ADAMTSL1: variants seen among roughly 807,000 people sequenced by gnomAD.
ADAMTSL1 encodes ADAMTS-like protein 1.
A neutral mutation model predicts 201.8 loss-of-function variants in ADAMTSL1; 126 were observed. That is an observed-to-expected ratio of 0.62 (90% CI 0.54 to 0.72). ADAMTSL1 has a LOEUF of 0.72. Among genes scored for constraint, ADAMTSL1 ranks in the 30% least tolerant of loss-of-function variants. ADAMTSL1 has a pLI of 0.00. For synonymous variants in ADAMTSL1, 1,121 were observed against 903.4 expected (o/e 1.24, Z -4.32); for missense variants, 2,679 against 2,277.8 (o/e 1.18, Z -3.59).
chr9:18,083,164 T>C (rs886221005), intron 1 of ADAMTSL1, among the ~76,000 whole-genome samples: 2 of 152,180 alleles, frequency 1.3e-5, no homozygotes, highest in Non-Finnish European at 2.9e-5. Flanking sequence ...GCCTTTAAGT[T>C]TGGCTACTAT....
intron 2 of ADAMTSL1, among the ~76,000 whole-genome samples, chr9:18,268,314 G>A (rs1045855738): frequency 3.3e-5 from 5 of 152,082 alleles, no homozygotes; most frequent in African/African-American, 1.2e-4. Flanking sequence ...GGGCATATTG[G>A]TTCCCAAACC....
At chr9:18,494,347 C>CA (rs141208426) in intron 1 of ADAMTSL1, among the ~76,000 whole-genome samples, 1,624 of 80,192 alleles carry the variant, frequency 0.02, 9 homozygotes, top group African/African-American at 0.035. Context: ...CAGACTGTCT[C>CA]AAAAAAAAAA....
intron 1 of ADAMTSL1, among the ~76,000 whole-genome samples, chr9:18,128,798 A>T (rs1825839219): frequency 6.6e-6 from 1 of 152,146 alleles, no homozygotes; most frequent in Non-Finnish European, 1.5e-5. Context: ...GAAAGTAGGT[A>T]TTTAGGCTAA....
chr9:18,248,688 G>A (rs528141713), intron 2 of ADAMTSL1, among the ~76,000 whole-genome samples: 11 of 152,264 alleles, frequency 7.2e-5, no homozygotes, highest in African/African-American at 2.6e-4. Flanking sequence ...CCTGGACTGC[G>A]GCAAACGCAT....
chr9:18,207,936 TG>T (rs771491392), intron 2 of ADAMTSL1, among the ~76,000 whole-genome samples: 1 of 152,130 alleles, frequency 6.6e-6, no homozygotes, highest in Non-Finnish European at 1.5e-5. Context: ...AGAGAAGCAC[TG>T]TCTTGTATGT....
chr9:17,979,677 C>T (rs1818608134), intron 1 of ADAMTSL1, among the ~76,000 whole-genome samples: 3 of 151,966 alleles, frequency 2.0e-5, no homozygotes, highest in African/African-American at 4.8e-5. Flanking sequence ...TTTTGTTTTG[C>T]TGCTTGTCTG....
At chr9:18,618,119 A>T (rs905769877) in intron 4 of ADAMTSL1, among the ~76,000 whole-genome samples, 1 of 152,224 alleles carries the variant, frequency 6.6e-6, no homozygotes. Flanking sequence ...TCTCTAAAAA[A>T]TAATAGCCCT....
chr9:18,555,052 A>G (rs1425747256), intron 3 of ADAMTSL1, among the ~76,000 whole-genome samples: 1 of 151,890 alleles, frequency 6.6e-6, no homozygotes, highest in African/African-American at 2.4e-5. Flanking sequence ...AACCCGTGAC[A>G]ACTACCAGTC....
At chr9:18,702,384 A>C (rs1420883727) in intron 13 of ADAMTSL1, among the ~76,000 whole-genome samples, 1 of 152,240 alleles carries the variant, frequency 6.6e-6, no homozygotes, top group Non-Finnish European at 1.5e-5. Flanking sequence ...ATATTAATAA[A>C]GTGATTATTT....
chr9:18,203,364 A>G (rs986852363), intron 2 of ADAMTSL1, among the ~76,000 whole-genome samples: 2 of 151,994 alleles, frequency 1.3e-5, no homozygotes, highest in Non-Finnish European at 2.9e-5. Flanking sequence ...TAAAAATGGA[A>G]AAGTTGATTT....
At chr9:18,230,341 G>A (rs1404758146) in intron 2 of ADAMTSL1, among the ~76,000 whole-genome samples, 3 of 152,102 alleles carry the variant, frequency 2.0e-5, no homozygotes, top group African/African-American at 7.2e-5. Context: ...GGAAGTTTTA[G>A]GGAATTCTGG....
intron 15 of ADAMTSL1, among the ~76,000 whole-genome samples, chr9:18,735,756 T>C (rs1206586881): frequency 5.4e-5 from 8 of 147,380 alleles, no homozygotes; most frequent in Admixed American, 1.3e-4. Flanking sequence ...TTCTTTTTTT[T>C]TTTTTTTTTT....
At chr9:18,710,559 T>C (rs545127437) in intron 14 of ADAMTSL1, among the ~76,000 whole-genome samples, 3 of 152,298 alleles carry the variant, frequency 2.0e-5, no homozygotes, top group Admixed American at 1.3e-4. Context: ...TTTGGAGTTA[T>C]GTAAATTTGT....
At chr9:18,400,224 C>T (rs1283782677) in intron 2 of ADAMTSL1, among the ~76,000 whole-genome samples, 3 of 118,724 alleles carry the variant, frequency 2.5e-5, no homozygotes, top group East Asian at 2.1e-4. Context: ...TATTGTCCTA[C>T]TGTGATACTT....
chr9:18,463,005 G>A (rs746103990), intron 2 of ADAMTSL1, among the ~76,000 whole-genome samples: 2 of 151,892 alleles, frequency 1.3e-5, no homozygotes, highest in African/African-American at 4.8e-5. Context: ...GAGCATTCCA[G>A]GCATCAGGAA....
At chr9:18,069,308 A>G (rs1046676660) in intron 1 of ADAMTSL1, among the ~76,000 whole-genome samples, 4 of 152,146 alleles carry the variant, frequency 2.6e-5, no homozygotes, top group Admixed American at 2.0e-4. Context: ...ATTTTAGTTT[A>G]CTTTTTTCTA....
intron 5 of ADAMTSL1, 70 bp downstream of exon 5, chr9:18,622,439 A>T: frequency 1.2e-6 from 2 of 1,603,522 alleles, no homozygotes; most frequent in Non-Finnish European, 1.7e-6. Context: ...GTCTGGCCCC[A>T]CTAAACAGCC....
chr9:18,805,456 T>C (rs1392995341), intron 20 of ADAMTSL1, among the ~76,000 whole-genome samples: 1 of 152,230 alleles, frequency 6.6e-6, no homozygotes. Flanking sequence ...CATTGTGTTA[T>C]AGCAGAGATA....
chr9:18,116,804 G>A (rs1284345505), intron 1 of ADAMTSL1, among the ~76,000 whole-genome samples: 1 of 152,142 alleles, frequency 6.6e-6, no homozygotes, highest in Non-Finnish European at 1.5e-5. Context: ...CCATGTTGGT[G>A]TGCTGCACCC....
Sources: allele counts gnomAD v4.1 joint callset (sites outside exome capture counted in the v4.1 genomes callset), GRCh38; gene constraint gnomAD v4.1.1; transcripts MANE v1.5; gene names NCBI Gene and HGNC (gene_info 2026-07-23, HGNC 2026-07-21).